Variants in DAW1 observed in about 807,000 individuals in gnomAD.
The protein encoded by DAW1 is dynein assembly factor with WD repeats 1.
DAW1 carries 47 observed loss-of-function variants against 56.5 expected under a neutral mutation model. The ratio of observed to expected loss-of-function variants is 0.83; its 90% CI spans 0.66 to 1.06. The LOEUF is 1.06. Among genes scored for constraint, DAW1 ranks in the 50% least tolerant of loss-of-function variants. The pLI, the probability that DAW1 is intolerant of heterozygous loss-of-function variation, is 0.00. For synonymous variants in DAW1, 190 were observed against 179.0 expected (o/e 1.06, Z -0.49); for missense variants, 505 against 499.3 (o/e 1.01, Z -0.11).
At chr2:227,921,339 T>C in intron 11 of DAW1, 60 bp from the exon 12 acceptor site, 2 of 257,168 alleles carry the variant, frequency 7.8e-6, no homozygotes, top group Non-Finnish European at 1.4e-5. Flanking sequence ...TTTTTGCTGA[T>C]AAGAAATGTT....
chr2:227,916,978 G>A (rs1230273066), intron 10 of DAW1, among the ~76,000 whole-genome samples: 3 of 152,082 alleles, frequency 2.0e-5, no homozygotes, highest in East Asian at 1.9e-4. Context: ...TGTCAGCAAT[G>A]TATGACACTA....
chr2:227,878,034 C>T (rs1201152980), intron 1 of DAW1, among the ~76,000 whole-genome samples: 3 of 152,334 alleles, frequency 2.0e-5, no homozygotes, highest in Middle Eastern at 3.4e-3. Flanking sequence ...TACTTTATTA[C>T]AAACAAGTAG....
At chr2:227,909,529 G>T (rs572680070) in intron 10 of DAW1, among the ~76,000 whole-genome samples, 2 of 151,758 alleles carry the variant, frequency 1.3e-5, no homozygotes, top group South Asian at 4.2e-4. Context: ...AGGCTGAGAA[G>T]TCTTGCCATA....
At chr2:227,919,393 C>T (rs187932199) in intron 11 of DAW1, among the ~76,000 whole-genome samples, 1 of 152,096 alleles carries the variant, frequency 6.6e-6, no homozygotes, top group Admixed American at 6.5e-5. Context: ...AAGTATGGAA[C>T]AGCATTCGCC....
intron 2 of DAW1, among the ~76,000 whole-genome samples, chr2:227,886,869 A>G (rs996220330): frequency 2.0e-5 from 3 of 152,254 alleles, no homozygotes; most frequent in African/African-American, 4.8e-5. Flanking sequence ...CTAAGTTCAG[A>G]TAAGGTGAAA....
intron 11 of DAW1, among the ~76,000 whole-genome samples, chr2:227,919,530 G>T (rs1273977215): frequency 6.6e-6 from 1 of 152,154 alleles, no homozygotes; most frequent in Non-Finnish European, 1.5e-5. Context: ...ATGCTGGGCA[G>T]CAAGTATCAA....
chr2:227,906,550 G>A (rs1041851862), intron 9 of DAW1, among the ~76,000 whole-genome samples: 1 of 152,090 alleles, frequency 6.6e-6, no homozygotes, highest in Admixed American at 6.5e-5. Flanking sequence ...ATTGCTTCAA[G>A]TATATTAAAT....
intron 1 of DAW1, among the ~76,000 whole-genome samples, chr2:227,884,552 T>C (rs967605682): frequency 1.3e-5 from 2 of 152,192 alleles, no homozygotes; most frequent in Non-Finnish European, 2.9e-5. Context: ...TACTGTCCTT[T>C]GTTTTTTCGG....
At chr2:227,885,975 CTTTTTT>C (rs10655811) in intron 2 of DAW1, among the ~76,000 whole-genome samples, 2 of 131,996 alleles carry the variant, frequency 1.5e-5, no homozygotes, top group East Asian at 2.2e-4. Flanking sequence ...TTTTTCTTTC[CTTTTTT>C]TTTTTTTTTT....
chr2:227,876,551 C>G, intron 1 of DAW1: 1 of 1,254,640 alleles, frequency 8.0e-7, no homozygotes, highest in Non-Finnish European at 1.1e-6. Context: ...CTGAATCATT[C>G]CCGTGCTACC....
At chr2:227,886,818 A>G (rs551248296) in intron 2 of DAW1, among the ~76,000 whole-genome samples, 4 of 152,164 alleles carry the variant, frequency 2.6e-5, no homozygotes, top group East Asian at 1.9e-4. Flanking sequence ...CAAACATCCT[A>G]CTTCAAGAGA....
intron 10 of DAW1, among the ~76,000 whole-genome samples, chr2:227,916,781 T>C (rs958751613): frequency 6.6e-6 from 1 of 152,200 alleles, no homozygotes; most frequent in African/African-American, 2.4e-5. Flanking sequence ...TGATCACACA[T>C]CAGGCTATAC....
At chr2:227,912,659 C>G (rs1232684375) in intron 10 of DAW1, among the ~76,000 whole-genome samples, 1 of 152,126 alleles carries the variant, frequency 6.6e-6, no homozygotes, top group Non-Finnish European at 1.5e-5. Flanking sequence ...TTCCCTATGT[C>G]TGTGTCACCT....
At chr2:227,910,282 T>C (rs987350003) in intron 10 of DAW1, among the ~76,000 whole-genome samples, 6 of 151,950 alleles carry the variant, frequency 3.9e-5, no homozygotes, top group Non-Finnish European at 5.9e-5. Context: ...TGAGACCCCA[T>C]CTCTACAAAA....
At chr2:227,896,426 C>G (rs1691407239) in intron 5 of DAW1, among the ~76,000 whole-genome samples, 1 of 152,096 alleles carries the variant, frequency 6.6e-6, no homozygotes, top group African/African-American at 2.4e-5. Flanking sequence ...CTTTTTGACT[C>G]TTCAACTGAA....
At chr2:227,917,142 A>ATCTG (rs58001363) in intron 10 of DAW1, among the ~76,000 whole-genome samples, 2,935 of 138,464 alleles carry the variant, frequency 0.021, 48 homozygotes, top group East Asian at 0.062. Context: ...CTATCTATCT[A>ATCTG]TCTGTCTGTC....
At chr2:227,892,059 C>T (rs75596727) in intron 4 of DAW1, among the ~76,000 whole-genome samples, 19,540 of 152,078 alleles carry the variant, frequency 0.13, 2,075 homozygotes, top group African/African-American at 0.29. Context: ...CATGTCTGTG[C>T]CTATATGGCC....
At chr2:227,877,875 A>G (rs1466846479) in intron 1 of DAW1, among the ~76,000 whole-genome samples, 1 of 152,224 alleles carries the variant, frequency 6.6e-6, no homozygotes, top group Non-Finnish European at 1.5e-5. Context: ...TCCAGGGCCC[A>G]GTGGGGTCGG....
intron 10 of DAW1, among the ~76,000 whole-genome samples, chr2:227,913,310 A>G (rs1391836056): frequency 1.3e-5 from 2 of 152,188 alleles, no homozygotes; most frequent in African/African-American, 2.4e-5. Context: ...CTTAATAACT[A>G]TAGATGATAT....
Sources: allele counts gnomAD v4.1 joint callset (sites outside exome capture counted in the v4.1 genomes callset), GRCh38; gene constraint gnomAD v4.1.1; transcripts MANE v1.5; gene names NCBI Gene and HGNC (gene_info 2026-07-23, HGNC 2026-07-21).